Variants in MKS1 observed in about 807,000 individuals in gnomAD.
MKS1 encodes the protein tectonic-like complex member MKS1.
A neutral mutation model predicts 83.7 loss-of-function variants in MKS1; 70 were observed. That is an observed-to-expected ratio of 0.84 (90% CI 0.69 to 1.02). The LOEUF (loss-of-function observed/expected upper bound fraction) is 1.02, where lower values mean the gene tolerates loss of function less well. Ranked by LOEUF, MKS1 falls within the 50% of genes least tolerant of loss-of-function variation. The probability of loss-of-function intolerance (pLI) is 0.00; values close to 1 mark genes in which losing one functional copy is unlikely to be tolerated. For missense variants in MKS1, 681 were observed against 726.9 expected, an observed-to-expected ratio of 0.94 and a Z score of 0.73; for synonymous variants, 251 against 273.4, an observed-to-expected ratio of 0.92 and a Z score of 0.81.
intron 15 of MKS1, chr17:58,206,847 T>A: frequency 1.6e-6 from 1 of 643,918 alleles, no homozygotes; most frequent in Non-Finnish European, 2.7e-6. Flanking sequence ...CCAGTTATTC[T>A]GATGGGAACC....
chr17:58,208,947 A>T (rs1968702708), intron 11 of MKS1, among the ~76,000 whole-genome samples: 1 of 152,186 alleles, frequency 6.6e-6, no homozygotes, highest in Non-Finnish European at 1.5e-5. Context: ...CCTTGAGTTG[A>T]CACAGCACAT....
chr17:58,207,229 G>A lies in MKS1; in HGVS notation c.1274-11C>T. 1 of 1,613,824 alleles carries A rather than the reference G, an allele frequency of 6.2e-7. No individual in the cohort carries two copies. The highest frequency in any genetic ancestry group is 8.5e-7 in the Non-Finnish European group (1 of 1,180,022). On this transcript the variant is annotated splice_polypyrimidine_tract_variant and intron_variant, in intron 14 of 17. Transcript: ENST00000393119. ...TCAGGGTGTGTGAGCCTGCGCAAGGGAAGAGAAGACTGGGGCCAGGTCCAG... is the reference window on the plus strand; with the variant it reads ...TCAGGGTGTGTGAGCCTGCGCAAGGAAAGAGAAGACTGGGGCCAGGTCCAG...
At position 58,208,500 on chromosome 17, in the gene MKS1, T is replaced by A. The variant is rs970409292; in HGVS notation, c.1095+13A>T. On this transcript the variant is annotated intron_variant, in intron 12 of 17. Coordinates refer to ENST00000393119, the MANE Select transcript of MKS1 (RefSeq NM_017777.4). The stretch of plus-strand genomic sequence containing the variant: ...CTCATTCCCTTCCAGATACCCGCTC[T>A]CATTCTCCATACCATTGCCAGGGAC... 2.5e-6 allele frequency: 4 copies of A among 1,613,338 alleles called. No individual in the cohort carries two copies. Among genetic ancestry groups the A allele is most frequent in the Non-Finnish European group, 3.4e-6 (4 of 1,179,448 alleles).
Position 58,206,162 on chromosome 17 carries a change from G to C in MKS1, c.1597C>G (p.Arg533Gly). 1 of 1,613,958 alleles carries C rather than the reference G, an allele frequency of 6.2e-7. No individual in the cohort carries two copies. The highest frequency in any genetic ancestry group is 1.7e-5 in the Admixed American group (1 of 60,026). Residue 533 changes from arginine (R) to glycine (G), a missense_variant, in exon 18 of 18, where the codon CGT becomes GGT. Around this residue, in one of 3 missense-constraint regions of MKS1, gnomAD observed 310 missense variants for 321.7 expected, o/e 0.96. Coordinates refer to ENST00000393119, the MANE Select transcript of MKS1 (RefSeq NM_017777.4). ...SSIHNVLEAF[R>G]RARRRMQEAR... ...TCCTGCATGCGGCGCCGGGCTCGACGGAAGGCCTCTGTAAGGAAAGGAGAT... is the reference window on the plus strand; with the variant it reads ...TCCTGCATGCGGCGCCGGGCTCGACCGAAGGCCTCTGTAAGGAAAGGAGAT...
rs781038098 is a variant in MKS1, at chr17:58,207,169, C to T, written c.1323G>A (p.Thr441=). ...VSTWRPVELG[T]VAELRRFFIG... is the part of the protein sequence containing the mutation. ...TGAAAAACCTCCTCAGCTCAGCCAC[C>T]GTGCCAAGCTCCACAGGTCTCCACG... Residue 441 remains threonine, a synonymous_variant, in exon 15 of 18, where the codon ACG becomes ACA. Coordinates refer to ENST00000393119, the MANE Select transcript of MKS1 (RefSeq NM_017777.4). 8.1e-6 allele frequency: 13 copies of T among 1,614,158 alleles called. No homozygotes were observed. In the East Asian group the frequency reaches 8.9e-5, roughly 11 times the overall value.
chr17:58,212,833 T>A (rs768018264), intron 8 of MKS1, 149 bp downstream of exon 8: 1 of 743,890 alleles, frequency 1.3e-6, no homozygotes, highest in South Asian at 1.5e-5. Context: ...AAAACTTCTG[T>A]CTGATATGTC....
rs1367589310 is a variant in MKS1, at chr17:58,209,105, T to G, written c.1025-522A>C. Among the ~76,000 whole-genome samples the G allele has an allele frequency of 2.6e-5, 4 of 152,232 alleles. No homozygotes were observed. In the East Asian group the frequency reaches 7.7e-4, roughly 29 times the overall value. On this transcript the variant is annotated intron_variant, in intron 11 of 17. Transcript: ENST00000393119. This position sits in a 1 kb window ranked among gnomAD's most constrained non-coding sequence, Gnocchi z 4.1. ...GTAACAATCTGATCTCTCTTTCTTTTCCCCACATTTCCCCCTTTTCTTTTT... is the reference window on the plus strand; with the variant it reads ...GTAACAATCTGATCTCTCTTTCTTTGCCCCACATTTCCCCCTTTTCTTTTT...
At chr17:58,212,945 C>A in intron 8 of MKS1, 37 bp downstream of exon 8, 2 of 1,592,346 alleles carry the variant, frequency 1.3e-6, no homozygotes, top group Non-Finnish European at 1.7e-6. Flanking sequence ...GGCACTGAGG[C>A]TCATCCCTTG....
At chr17:58,215,957 G>A (rs1675777126) in intron 4 of MKS1, 131 bp downstream of exon 4, 2 of 1,134,888 alleles carry the variant, frequency 1.8e-6, no homozygotes, top group South Asian at 2.5e-5. Context: ...AGCAGCAGCA[G>A]CTCACAGCAG....
At chr17:58,218,308 C>A (rs868635195) in intron 2 of MKS1, among the ~76,000 whole-genome samples, 8 of 151,624 alleles carry the variant, frequency 5.3e-5, no homozygotes, top group African/African-American at 1.9e-4. Flanking sequence ...ATTAGCCGGG[C>A]GTGGTGGCGG....
chr17:58,212,502 G>C, intron 8 of MKS1, 68 bp from the exon 9 acceptor site: 1 of 1,546,114 alleles, frequency 6.5e-7, no homozygotes. Flanking sequence ...GTTCTGAATG[G>C]GAAGAAGAAA....
intron 11 of MKS1, 37 bp downstream of exon 11, chr17:58,210,614 CTGTCTGAA>C (rs1567799191): frequency 6.4e-7 from 1 of 1,555,176 alleles, no homozygotes; most frequent in Admixed American, 1.7e-5. Context: ...GCCTCTAGAT[CTGTCTGAA>C]TGGGTATAAA....
Position 58,218,768 on chromosome 17 carries a change from C to T in MKS1, c.81-39G>A. 5 of 1,520,836 alleles carry T rather than the reference C, an allele frequency of 3.3e-6. 1 individual carries two copies. In the African/African-American group the frequency reaches 5.5e-5, roughly 17 times the overall value. The allele number at this position is 1,520,836 out of a possible 1,614,324, so 94.2% of individuals were successfully genotyped here. Reference sequence around the variant, plus strand: ...CCCAAAATATTCGTTACCAGACACGCAACCAGGAGATGAACACAAAGCAAG... The same window carrying T: ...CCCAAAATATTCGTTACCAGACACGTAACCAGGAGATGAACACAAAGCAAG... On this transcript the variant is annotated intron_variant, in intron 1 of 17. Transcript: ENST00000393119.
At position 58,213,062 on chromosome 17, in the gene MKS1, G is replaced by C; in HGVS notation, c.778C>G (p.Leu260Val). 1 of 1,614,122 alleles carries C rather than the reference G, an allele frequency of 6.2e-7. No homozygotes were observed. Among genetic ancestry groups the C allele is most frequent in the Non-Finnish European group, 8.5e-7 (1 of 1,180,042 alleles). ...ACATTGTCGATCGTATATTTCCACAGCTCCTGCTTCTCCCCCTCCGTCTCA... is the reference window on the plus strand; with the variant it reads ...ACATTGTCGATCGTATATTTCCACACCTCCTGCTTCTCCCCCTCCGTCTCA... ...RIETEGEKQE[L>V]WKYTIDNVSP... Residue 260 changes from leucine to valine, a missense_variant, in exon 8 of 18, where the codon CTG (leucine) becomes GTG (valine). Leu to Val is a conservative substitution (Grantham distance 32). Coordinates refer to ENST00000393119, the MANE Select transcript of MKS1 (RefSeq NM_017777.4).
rs1304907848 is a variant in MKS1, at chr17:58,211,006, A to T, written c.932T>A (p.Leu311His). Residue 311 changes from leucine to histidine, a missense_variant, in exon 10 of 18, where the codon CTC (leucine) becomes CAC (histidine). Transcript: ENST00000393119. The stretch of plus-strand genomic sequence containing the variant: ...GACCTCTCCATTTACAAAGAGCCGG[A>T]GGGCACCTGGGACAGTCTAAGGTGA... Reference protein sequence around the residue: ...TDFEMTVPGALRLFVNGEVVS... With the variant: ...TDFEMTVPGAHRLFVNGEVVS... 17 of 1,614,050 alleles carry T rather than the reference A, an allele frequency of 1.1e-5. No homozygotes were observed. The highest frequency in any genetic ancestry group is 1.4e-5 in the Non-Finnish European group (17 of 1,179,970).
At chr17:58,207,674 C>T (rs1339208602) in intron 14 of MKS1, 6 of 630,570 alleles carry the variant, frequency 9.5e-6, no homozygotes, top group Non-Finnish European at 1.7e-5. Context: ...ATCAGAGGAG[C>T]ATGAAGCACA....
At chr17:58,216,769 A>G in intron 2 of MKS1, 33 bp from the exon 3 acceptor site, 2 of 1,600,904 alleles carry the variant, frequency 1.2e-6, no homozygotes, top group Non-Finnish European at 1.7e-6. Flanking sequence ...CAAATGCTTG[A>G]GCCAAACCAG....
chr17:58,214,605 T>C, intron 5 of MKS1, 136 bp downstream of exon 5: 4 of 1,061,792 alleles, frequency 3.8e-6, no homozygotes, highest in Middle Eastern at 3.1e-4. Context: ...ATATTTTATA[T>C]TTTTATATTT....
At chr17:58,218,498 G>T in intron 2 of MKS1, 122 bp downstream of exon 2, 2 of 484,248 alleles carry the variant, frequency 4.1e-6, no homozygotes, top group South Asian at 1.7e-5. Flanking sequence ...ATAGAATGTA[G>T]GTTGCCGGGC....
Sources: gnomAD v4.1 joint callset for allele counts (sites outside exome capture counted in the v4.1 genomes callset) on GRCh38, gnomAD v4.1.1 for gene constraint, gnomAD v4.1.1 regional missense constraint, Gnocchi (gnomAD v3.1) non-coding constraint, MANE v1.5 for transcripts, NCBI Gene and HGNC (gene_info 2026-07-23, HGNC 2026-07-21) for gene names.